NT5DC1: variants seen among roughly 807,000 people sequenced by gnomAD.
NT5DC1 encodes 5'-nucleotidase domain-containing protein 1.
In NT5DC1, 42 loss-of-function variants were observed where a neutral mutation model predicts 59.4. The ratio of observed to expected loss-of-function variants is 0.71; its 90% confidence interval spans 0.55 to 0.92. NT5DC1 has a LOEUF of 0.92. Among genes scored for constraint, NT5DC1 ranks in the 40% least tolerant of loss-of-function variants. The pLI is 0.00. For missense variants in NT5DC1, 501 were observed against 537.1 expected, an observed-to-expected ratio of 0.93 and a Z score of 0.66; for synonymous variants, 172 against 188.1, an observed-to-expected ratio of 0.91 and a Z score of 0.70.
intron 8 of NT5DC1, among the ~76,000 whole-genome samples, chr6:116,235,041 T>G (rs1262728154): frequency 4.0e-5 from 6 of 151,244 alleles, no homozygotes; most frequent in African/African-American, 7.3e-5. Flanking sequence ...TTGGGTTTTT[T>G]TTTTTTTTTT....
chr6:116,243,837 A>G, intron 11 of NT5DC1, 72 bp from the exon 12 acceptor site: 3 of 610,390 alleles, frequency 4.9e-6, no homozygotes, highest in Admixed American at 6.2e-5. Flanking sequence ...ATTAGTGAAT[A>G]TCAAGTTTTG....
intron 6 of NT5DC1, chr6:116,125,286 A>T: frequency 6.3e-7 from 1 of 1,586,704 alleles, no homozygotes; most frequent in Non-Finnish European, 8.6e-7. Context: ...TATTAAGATT[A>T]TAGAAAGCAA....
chr6:116,161,736 T>A (rs1780336213), intron 6 of NT5DC1, among the ~76,000 whole-genome samples: 1 of 152,218 alleles, frequency 6.6e-6, no homozygotes, highest in Admixed American at 6.5e-5. Flanking sequence ...ATATGAATTT[T>A]ATAATTGTTT....
intron 6 of NT5DC1, chr6:116,125,763 G>A (rs2782351): frequency 6.2e-6 from 2 of 321,060 alleles, no homozygotes; most frequent in African/African-American, 4.4e-5. Context: ...ACAGAAATTA[G>A]GATTGGATGT....
intron 6 of NT5DC1, among the ~76,000 whole-genome samples, chr6:116,155,855 T>C (rs1780178964): frequency 6.6e-6 from 1 of 151,972 alleles, no homozygotes; most frequent in Non-Finnish European, 1.5e-5. Context: ...AGCTTATACA[T>C]TTTATGCTAT....
At chr6:116,125,278 T>C in intron 6 of NT5DC1, 1 of 1,569,994 alleles carries the variant, frequency 6.4e-7, no homozygotes, top group Non-Finnish European at 8.7e-7. Context: ...AAAGAGATTA[T>C]TAAGATTATA....
At chr6:116,149,772 T>G (rs552132120) in intron 6 of NT5DC1, among the ~76,000 whole-genome samples, 1 of 152,314 alleles carries the variant, frequency 6.6e-6, no homozygotes, top group South Asian at 2.1e-4. Context: ...GTGAAAGAGT[T>G]ATGAAATCAG....
intron 5 of NT5DC1, among the ~76,000 whole-genome samples, chr6:116,116,648 A>T (rs572801519): frequency 6.6e-6 from 1 of 151,986 alleles, no homozygotes; most frequent in Non-Finnish European, 1.5e-5. Context: ...TCTCAAAATA[A>T]TAATAATAAT....
At chr6:116,219,405 CTCAGG>C (rs1365059452) in intron 6 of NT5DC1, among the ~76,000 whole-genome samples, 1 of 152,106 alleles carries the variant, frequency 6.6e-6, no homozygotes, top group Non-Finnish European at 1.5e-5. Context: ...CAAAGTTCTC[CTCAGG>C]TCTCATTTGC....
chr6:116,239,887 A>G (rs1782190498), intron 11 of NT5DC1, among the ~76,000 whole-genome samples: 1 of 152,234 alleles, frequency 6.6e-6, no homozygotes, highest in African/African-American at 2.4e-5. Context: ...AAATACAGAA[A>G]AGGAAGGAAT....
chr6:116,199,577 G>C (rs1781304919), intron 6 of NT5DC1, among the ~76,000 whole-genome samples: 1 of 152,074 alleles, frequency 6.6e-6, no homozygotes, highest in African/African-American at 2.4e-5. Flanking sequence ...AGAAGCCAGG[G>C]CTCCTTGGAG....
At position 116,166,320 on chromosome 6, in the gene NT5DC1, A is replaced by T. The variant is rs553754957; in HGVS notation, c.529+48375A>T. Among the ~76,000 whole-genome samples the T allele has an allele frequency of 5.9e-5, 9 of 152,270 alleles. No individual in the cohort carries two copies. The South Asian group carries it at 1.9e-3, about 32-fold the overall frequency. On this transcript the variant is annotated intron_variant, in intron 6 of 11. Transcript: ENST00000319550. The stretch of plus-strand genomic sequence containing the variant: ...TCTCTGAGGATAACTGACATCCAAA[A>T]TCCCTAGTCAGCCATCCAGATTCCT...
intron 6 of NT5DC1, chr6:116,121,791 C>T (rs752878392): frequency 3.7e-6 from 6 of 1,613,894 alleles, no homozygotes; most frequent in South Asian, 1.1e-5. Context: ...CCTGGCACAC[C>T]TGGTTTCCCT....
At chr6:116,182,222 A>AGAGTGTGTGTGTGTGT (rs148509481) in intron 6 of NT5DC1, among the ~76,000 whole-genome samples, 4,104 of 124,548 alleles carry the variant, frequency 0.033, 72 homozygotes, top group Non-Finnish European at 0.049. Context: ...TTCCATGGAG[A>AGAGTGTGTGTGTGTGT]GTGTGTGTGT....
intron 6 of NT5DC1, chr6:116,119,890 A>G: frequency 1.6e-6 from 1 of 620,966 alleles, no homozygotes; most frequent in Non-Finnish European, 2.8e-6. Flanking sequence ...GAGGCTTCAC[A>G]TACGTTTTTA....
intron 6 of NT5DC1, among the ~76,000 whole-genome samples, chr6:116,166,206 A>G (rs553115856): frequency 1.3e-5 from 2 of 152,250 alleles, no homozygotes; most frequent in East Asian, 1.9e-4. Context: ...GCAACCCCAC[A>G]TCAACCAGTG....
chr6:116,201,506 C>T (rs1174118075), intron 6 of NT5DC1, among the ~76,000 whole-genome samples: 1 of 152,018 alleles, frequency 6.6e-6, no homozygotes, highest in Non-Finnish European at 1.5e-5. Flanking sequence ...TATGGGACTG[C>T]CTCGGTAATG....
chr6:116,207,879 C>T (rs1781490036), intron 6 of NT5DC1, among the ~76,000 whole-genome samples: 2 of 151,870 alleles, frequency 1.3e-5, no homozygotes, highest in Admixed American at 1.3e-4. Context: ...ACTGGGTTCC[C>T]ATCACAGATT....
intron 6 of NT5DC1, among the ~76,000 whole-genome samples, chr6:116,157,480 G>T (rs1780226109): frequency 6.6e-6 from 1 of 152,206 alleles, no homozygotes; most frequent in African/African-American, 2.4e-5. Flanking sequence ...AAAAATCAGT[G>T]AAGTCTTAAA....
Sources: allele counts gnomAD v4.1 joint callset (sites outside exome capture counted in the v4.1 genomes callset), GRCh38; gene constraint gnomAD v4.1.1; transcripts MANE v1.5; gene names NCBI Gene and HGNC (gene_info 2026-07-23, HGNC 2026-07-21).